The following LRRC37A2 variants were observed in gnomAD, a reference collection of about 807,000 sequenced individuals.
LRRC37A2 encodes the protein leucine-rich repeat-containing protein 37A2.
Under a neutral mutation model 68.8 loss-of-function variants are expected in LRRC37A2, and 9 were observed. That is an observed-to-expected ratio of 0.13 (90% CI 0.08 to 0.23). The LOEUF (loss-of-function observed/expected upper bound fraction) is 0.23, where lower values mean the gene tolerates loss of function less well. LRRC37A2 is among the 10% of genes least tolerant of loss of function. LRRC37A2 has a pLI of 1.00. For missense variants in LRRC37A2, 168 were observed against 950.4 expected (o/e 0.18, Z 10.82); for synonymous variants, 63 against 367.6 (o/e 0.17, Z 9.48).
chr17:46,831,191 G>A, the LRRC37A2 span, among the ~76,000 whole-genome samples: 11 of 152,308 alleles, frequency 7.2e-5, no homozygotes, highest in East Asian at 1.9e-3. Flanking sequence ...GTCAGGGTGC[G>A]CTGTAAGTGC....
chr17:46,905,823 G>C, the LRRC37A2 span, among the ~76,000 whole-genome samples: 1 of 148,124 alleles, frequency 6.8e-6, no homozygotes, highest in Non-Finnish European at 1.5e-5. Flanking sequence ...TGCGTTTGTT[G>C]GGGGATGGGG....
the LRRC37A2 span, among the ~76,000 whole-genome samples, chr17:46,814,653 C>T: frequency 6.6e-6 from 1 of 152,210 alleles, no homozygotes; most frequent in Non-Finnish European, 1.5e-5. Context: ...CCCAGCCAGC[C>T]CAGCCCCAGC....
chr17:46,926,348 GATGCA>G, the LRRC37A2 span, among the ~76,000 whole-genome samples: 2,418 of 152,224 alleles, frequency 0.016, 63 homozygotes, highest in African/African-American at 0.056. Context: ...AGGCAGCCTG[GATGCA>G]AAGTGGATGT....
the LRRC37A2 span, chr17:46,755,998 T>G: frequency 1.7e-6 from 1 of 597,062 alleles, no homozygotes; most frequent in Non-Finnish European, 2.9e-6. Flanking sequence ...CATACTGAGA[T>G]AGCTTAGTGT....
chr17:46,965,885 C>T, the LRRC37A2 span, among the ~76,000 whole-genome samples: 1 of 151,602 alleles, frequency 6.6e-6, no homozygotes, highest in Admixed American at 6.6e-5. Flanking sequence ...CTTGCCTTGG[C>T]CTCCCAAAGT....
At chr17:47,044,690 G>A in the LRRC37A2 span, among the ~76,000 whole-genome samples, 14 of 151,912 alleles carry the variant, frequency 9.2e-5, no homozygotes, top group South Asian at 2.9e-3. Context: ...AGGAAAAAAA[G>A]AAAATGTTTA....
chr17:46,714,969 C>T, the LRRC37A2 span, among the ~76,000 whole-genome samples: 4 of 152,034 alleles, frequency 2.6e-5, no homozygotes, highest in East Asian at 1.9e-4. Flanking sequence ...TAGAATTCTT[C>T]GGTGTTTCTT....
chr17:46,769,681 C>G, the LRRC37A2 span: 1 of 1,509,516 alleles, frequency 6.6e-7, no homozygotes, highest in Non-Finnish European at 9.0e-7. Flanking sequence ...GAGCCCGCGA[C>G]CCACAGGGCT....
the LRRC37A2 span, among the ~76,000 whole-genome samples, chr17:46,782,611 G>T: frequency 6.6e-6 from 1 of 152,256 alleles, no homozygotes; most frequent in Non-Finnish European, 1.5e-5. Flanking sequence ...AGGATTGGCA[G>T]ATGTCAGGAC....
At chr17:47,000,073 A>T in the LRRC37A2 span, among the ~76,000 whole-genome samples, 517 of 35,170 alleles carry the variant, frequency 0.015, 76 homozygotes, top group African/African-American at 0.048. Context: ...TTAAAATAAA[A>T]TAAAAAATAA....
At chr17:46,805,069 G>T in the LRRC37A2 span, among the ~76,000 whole-genome samples, 2 of 152,064 alleles carry the variant, frequency 1.3e-5, no homozygotes, top group Admixed American at 6.6e-5. Flanking sequence ...AAGGTACGTG[G>T]CTTCATTCTT....
chr17:46,954,701 T>C, the LRRC37A2 span, among the ~76,000 whole-genome samples: 67,880 of 152,014 alleles, frequency 0.45, 15,367 homozygotes, highest in South Asian at 0.52. Flanking sequence ...TTTTATTTCA[T>C]TGAGCAGTGG....
At chr17:46,921,734 G>A in the LRRC37A2 span, among the ~76,000 whole-genome samples, 1 of 152,284 alleles carries the variant, frequency 6.6e-6, no homozygotes, top group East Asian at 1.9e-4. Context: ...ATGAAAAAAT[G>A]CTCATCATCA....
At chr17:46,896,446 GAAAGAAAAA>G in the LRRC37A2 span, among the ~76,000 whole-genome samples, 82 of 86,532 alleles carry the variant, frequency 9.5e-4, no homozygotes, top group African/African-American at 6.8e-3. Context: ...AAGAAAGAAA[GAAAGAAAAA>G]GAAAGAAAGA....
chr17:46,846,748 G>A, the LRRC37A2 span, among the ~76,000 whole-genome samples: 153 of 152,340 alleles, frequency 1.0e-3, no homozygotes, highest in African/African-American at 1.8e-3. Context: ...GTCCCACACC[G>A]TCCTCACAAC....
chr17:46,753,950 C>G, the LRRC37A2 span, among the ~76,000 whole-genome samples: 1 of 152,188 alleles, frequency 6.6e-6, no homozygotes, highest in Non-Finnish European at 1.5e-5. Context: ...TTAAAACTTG[C>G]ACAGAGCTGA....
At chr17:46,872,805 T>TGGGGGCGGGGGGGGGCG in the LRRC37A2 span, 1 of 1,089,656 alleles carries the variant, frequency 9.2e-7, no homozygotes, top group Non-Finnish European at 1.3e-6. Context: ...CGGGGAGGGC[T>TGGGGGCGGGGGGGGGCG]GGGGGAAGAA....
the LRRC37A2 span, chr17:46,872,541 G>A: frequency 1.6e-5 from 25 of 1,558,750 alleles, no homozygotes; most frequent in Middle Eastern, 3.6e-4. Context: ...AAGTCCTGAC[G>A]CCCTTCCCAG....
the LRRC37A2 span, chr17:46,833,361 G>A: frequency 1.9e-6 from 1 of 518,602 alleles, no homozygotes; most frequent in Non-Finnish European, 3.9e-6. Context: ...AGGACGGGCA[G>A]TTTCTTTTGA....
Sources: allele counts gnomAD v4.1 joint callset (sites outside exome capture counted in the v4.1 genomes callset), GRCh38; gene constraint gnomAD v4.1.1; transcripts MANE v1.5; gene names NCBI Gene and HGNC (gene_info 2026-07-23, HGNC 2026-07-21).